Variants in IMMP2L observed in about 807,000 individuals in gnomAD.
IMMP2L encodes the protein inner mitochondrial membrane peptidase subunit 2.
IMMP2L carries 18 observed loss-of-function variants against 19.3 expected under a neutral mutation model. That is an observed-to-expected ratio of 0.93 (90% CI 0.64 to 1.38). The LOEUF (loss-of-function observed/expected upper bound fraction) is 1.38, where lower values mean the gene tolerates loss of function less well. IMMP2L is among the 40% of genes most tolerant of loss of function. The pLI is 0.00. For synonymous variants in IMMP2L, 76 were observed against 73.0 expected (o/e 1.04, Z -0.21); for missense variants, 233 against 218.2 (o/e 1.07, Z -0.43).
At chr7:111,240,445 G>A (rs1814871679) in intron 3 of IMMP2L, among the ~76,000 whole-genome samples, 1 of 151,936 alleles carries the variant, frequency 6.6e-6, no homozygotes, top group Admixed American at 6.6e-5. Context: ...AGGAAGAACA[G>A]AAACTGCAGT....
intron 3 of IMMP2L, among the ~76,000 whole-genome samples, chr7:111,098,894 A>C (rs1020185921): frequency 6.6e-6 from 1 of 151,764 alleles, no homozygotes; most frequent in African/African-American, 2.4e-5. Flanking sequence ...TCCAAGAGTC[A>C]GATTCTCTAT....
In IMMP2L at chr7:111,119,777, AGCCAGGCAG is replaced by A. The variant is rs367970699; in HGVS notation, c.240-156221_240-156213del. On this transcript the variant is annotated intron_variant, in intron 3 of 5. Coordinates refer to ENST00000405709, the MANE Select transcript of IMMP2L (RefSeq NM_032549.4). ...ATAATGCCCAGAAGATAGGATGCAA[AGCCAGGCAG>A]GCCTCACGCTCTCAAGGAGGTTAGT... Among the ~76,000 whole-genome samples the A allele has an allele frequency of 9.5e-3, 1,452 of 152,276 alleles. 22 individuals carry two copies. Among genetic ancestry groups the A allele is most frequent in the African/African-American group, 0.033 (1,372 of 41,556 alleles).
At chr7:110,818,306 T>C (rs374392960) in intron 5 of IMMP2L, among the ~76,000 whole-genome samples, 1 of 152,112 alleles carries the variant, frequency 6.6e-6, no homozygotes, top group African/African-American at 2.4e-5. Flanking sequence ...GGGCGAAGGA[T>C]ATGAACACAC....
rs1798307073 is a variant in IMMP2L, at chr7:110,760,774, A to C, written c.409-97053T>G. Among the ~76,000 whole-genome samples the C allele has an allele frequency of 6.6e-6, 1 of 152,148 alleles. No homozygotes were observed. The highest frequency in any genetic ancestry group is 1.5e-5 in the Non-Finnish European group (1 of 68,018). On this transcript the variant is annotated intron_variant, in intron 5 of 5. Transcript: ENST00000405709. This position sits in a 1 kb window ranked among gnomAD's most constrained non-coding sequence, Gnocchi z 4.2. ...AAAAGGTTTGCTGACTATTGTTAAC[A>C]GCTCTGACTAAACACCTATTTCTTA... is the stretch of plus-strand genomic sequence containing the variant.
At chr7:111,346,379 C>T (rs1827565600) in intron 3 of IMMP2L, among the ~76,000 whole-genome samples, 1 of 152,094 alleles carries the variant, frequency 6.6e-6, no homozygotes, top group African/African-American at 2.4e-5. Flanking sequence ...GGGTAAGAGA[C>T]ACTACTGAGC....
At chr7:111,216,017 T>A (rs933206825) in intron 3 of IMMP2L, among the ~76,000 whole-genome samples, 1 of 152,200 alleles carries the variant, frequency 6.6e-6, no homozygotes, top group Non-Finnish European at 1.5e-5. Flanking sequence ...GGCCAGAATA[T>A]ATACTAAAAT....
At chr7:110,981,669 T>A (rs1256135695) in intron 3 of IMMP2L, among the ~76,000 whole-genome samples, 1 of 152,142 alleles carries the variant, frequency 6.6e-6, no homozygotes, top group Non-Finnish European at 1.5e-5. Context: ...AGAGTGCTGA[T>A]TCAATTACAT....
intron 3 of IMMP2L, among the ~76,000 whole-genome samples, chr7:111,084,014 A>G (rs1796098399): frequency 6.6e-6 from 1 of 152,174 alleles, no homozygotes; most frequent in African/African-American, 2.4e-5. Context: ...CTTGCTAAAC[A>G]CAAGTGTGAG....
At chr7:110,933,616 T>C (rs1815744779) in intron 4 of IMMP2L, among the ~76,000 whole-genome samples, 1 of 152,222 alleles carries the variant, frequency 6.6e-6, no homozygotes, top group African/African-American at 2.4e-5. Flanking sequence ...TCATCATTGA[T>C]GCTCAGCCTA....
intron 2 of IMMP2L, among the ~76,000 whole-genome samples, chr7:111,497,537 G>A (rs925474444): frequency 1.3e-5 from 2 of 152,026 alleles, no homozygotes; most frequent in African/African-American, 4.8e-5. Context: ...TGGAGAATAA[G>A]TGAAAAATGC....
At chr7:111,400,336 G>C (rs1220174037) in intron 3 of IMMP2L, among the ~76,000 whole-genome samples, 2 of 152,166 alleles carry the variant, frequency 1.3e-5, no homozygotes, top group Non-Finnish European at 2.9e-5. Flanking sequence ...ATTTTAGACT[G>C]TGGTGAACAA....
intron 4 of IMMP2L, among the ~76,000 whole-genome samples, chr7:110,943,035 G>C (rs2129553217): frequency 6.6e-6 from 1 of 151,982 alleles, no homozygotes; most frequent in Middle Eastern, 3.4e-3. Flanking sequence ...ATGAATCCCT[G>C]AACAGTATAC....
chr7:110,880,686 C>T (rs1328493065), intron 5 of IMMP2L, among the ~76,000 whole-genome samples: 3 of 151,978 alleles, frequency 2.0e-5, no homozygotes, highest in African/African-American at 7.2e-5. Flanking sequence ...TTCAACCTCA[C>T]TTTAAAAAAA....
intron 3 of IMMP2L, chr7:111,091,601 T>G (rs1796872443): frequency 6.6e-6 from 1 of 152,200 alleles, no homozygotes; most frequent in African/African-American, 2.4e-5. Flanking sequence ...GATGTCTTCT[T>G]CTTGTCTGAA....
intron 1 of IMMP2L, among the ~76,000 whole-genome samples, chr7:111,544,495 A>C (rs1482433459): frequency 6.6e-6 from 1 of 152,198 alleles, no homozygotes; most frequent in Non-Finnish European, 1.5e-5. Flanking sequence ...AAGAGATAAA[A>C]GTGTAAAACA....
chr7:111,225,691 CAAAA>C (rs36112021), intron 3 of IMMP2L, among the ~76,000 whole-genome samples: 4 of 112,634 alleles, frequency 3.6e-5, no homozygotes, highest in African/African-American at 9.8e-5. Context: ...GAGATAGAGC[CAAAA>C]AAAAAAAAAA....
At chr7:111,515,513 G>GTT (rs1845802345) in intron 2 of IMMP2L, among the ~76,000 whole-genome samples, 2 of 152,124 alleles carry the variant, frequency 1.3e-5, no homozygotes, top group African/African-American at 2.4e-5. Context: ...AAATATCCAT[G>GTT]TGACAGCTAC....
intron 3 of IMMP2L, among the ~76,000 whole-genome samples, chr7:111,273,012 A>G (rs897222534): frequency 6.6e-6 from 1 of 152,096 alleles, no homozygotes; most frequent in Non-Finnish European, 1.5e-5. Context: ...AAAATAGCTC[A>G]GCATCCTGTA....
intron 3 of IMMP2L, among the ~76,000 whole-genome samples, chr7:111,387,035 C>T (rs187262592): frequency 6.6e-6 from 1 of 152,208 alleles, no homozygotes; most frequent in Admixed American, 6.5e-5. Context: ...TCAAAAATAG[C>T]AGAAGAATAC....
Sources: allele counts gnomAD v4.1 joint callset (sites outside exome capture counted in the v4.1 genomes callset), GRCh38; gene constraint gnomAD v4.1.1; non-coding constraint Gnocchi (gnomAD v3.1); transcripts MANE v1.5; gene names NCBI Gene and HGNC (gene_info 2026-07-23, HGNC 2026-07-21).